Variants in PCDH7 observed in about 807,000 individuals in gnomAD.
The protein encoded by PCDH7 is protocadherin-7.
A neutral mutation model predicts 58.9 loss-of-function variants in PCDH7; 17 were observed. The ratio of observed to expected loss-of-function variants is 0.29; its 90% CI spans 0.20 to 0.43. The LOEUF is 0.43. Among genes scored for constraint, PCDH7 ranks in the 20% least tolerant of loss-of-function variants. The probability of loss-of-function intolerance (pLI) is 1.00; values close to 1 mark genes in which losing one functional copy is unlikely to be tolerated. For synonymous variants in PCDH7, 664 were observed against 616.4 expected (o/e 1.08, Z -1.14); for missense variants, 1,274 against 1,441.0 (o/e 0.88, Z 1.88).
intron 3 of PCDH7, among the ~76,000 whole-genome samples, chr4:31,091,307 C>G (rs1713215033): frequency 6.6e-6 from 1 of 151,830 alleles, no homozygotes; most frequent in Non-Finnish European, 1.5e-5. Context: ...TCATATACTT[C>G]TTACCTGTAA....
chr4:30,994,223 T>C (rs1751693737), intron 3 of PCDH7, among the ~76,000 whole-genome samples: 1 of 152,208 alleles, frequency 6.6e-6, no homozygotes, highest in African/African-American at 2.4e-5. Flanking sequence ...TTTGCCTTTA[T>C]GTAAATTATC....
chr4:31,086,099 G>GA lies in PCDH7; in HGVS notation c.*8-56369dup, dbSNP rs1391697203. ...TTTATTCCTGGTTTTGCTTTGTTTG[G>GA]AAAAATAGAATCTTTTCATTAAACC... On this transcript the variant is annotated intron_variant, in intron 3 of 3. Transcript: ENST00000509759. Among the ~76,000 whole-genome samples the GA allele has an allele frequency of 2.6e-5, 4 of 152,130 alleles. No individual in the cohort carries two copies. In the East Asian group the frequency reaches 7.7e-4, roughly 29 times the overall value.
At chr4:30,896,537 A>T (rs1233635570) in intron 1 of PCDH7, among the ~76,000 whole-genome samples, 4 of 152,156 alleles carry the variant, frequency 2.6e-5, no homozygotes, top group Non-Finnish European at 4.4e-5. Context: ...GAAATGATTT[A>T]TAACCTTTTT....
chr4:31,024,144 G>A (rs1173941510), intron 3 of PCDH7, among the ~76,000 whole-genome samples: 1 of 152,184 alleles, frequency 6.6e-6, no homozygotes, highest in African/African-American at 2.4e-5. Context: ...CTCCAGAAAA[G>A]TGGAGTGGAA....
intron 1 of PCDH7, chr4:30,730,711 AT>A (rs544599545): frequency 7.3e-4 from 1,064 of 1,459,110 alleles, no homozygotes; most frequent in Admixed American, 3.5e-3. Flanking sequence ...TTCTTTATCG[AT>A]TTTTTTTTAC....
At chr4:30,915,555 C>T (rs999906629) in intron 1 of PCDH7, among the ~76,000 whole-genome samples, 2 of 152,078 alleles carry the variant, frequency 1.3e-5, no homozygotes, top group African/African-American at 4.8e-5. Flanking sequence ...GATGGAGTCT[C>T]GCTCTGTCAC....
At chr4:30,759,212 G>A (rs1719721153) in intron 1 of PCDH7, among the ~76,000 whole-genome samples, 1 of 152,144 alleles carries the variant, frequency 6.6e-6, no homozygotes, top group Non-Finnish European at 1.5e-5. Flanking sequence ...AAAGTGCTGG[G>A]ATTACAGGTG....
intron 3 of PCDH7, among the ~76,000 whole-genome samples, chr4:30,968,434 TA>T (rs1749249926): frequency 8.1e-6 from 1 of 122,798 alleles, no homozygotes; most frequent in South Asian, 2.6e-4. Context: ...ATGTCAGAAT[TA>T]AAAAACAAAA....
At chr4:30,981,397 G>T (rs1232426092) in intron 3 of PCDH7, among the ~76,000 whole-genome samples, 1 of 152,120 alleles carries the variant, frequency 6.6e-6, no homozygotes, top group Admixed American at 6.5e-5. Flanking sequence ...TTTGGATGCC[G>T]AGATTTATGA....
chr4:30,779,640 C>T (rs1722535016), intron 1 of PCDH7, among the ~76,000 whole-genome samples: 1 of 152,162 alleles, frequency 6.6e-6, no homozygotes, highest in South Asian at 2.1e-4. Context: ...AAAGAGGAAA[C>T]TGTTTGTAAT....
chr4:31,006,411 G>T (rs547886481), intron 3 of PCDH7, among the ~76,000 whole-genome samples: 1 of 152,278 alleles, frequency 6.6e-6, no homozygotes, highest in South Asian at 2.1e-4. Flanking sequence ...ATAGTTAAAG[G>T]ATGCTATTTC....
intron 3 of PCDH7, among the ~76,000 whole-genome samples, chr4:30,985,024 T>C (rs540681164): frequency 1.3e-5 from 2 of 152,286 alleles, no homozygotes; most frequent in Admixed American, 1.3e-4. Context: ...TGGAGTGCAG[T>C]GACGTGACCT....
In PCDH7 at chr4:30,845,820, T is replaced by C. The variant is rs369413159; in HGVS notation, c.71-74333T>C. ...ATTGCCCAGGCTGGTCTTGAACTCCTGACCTCAAGTGATCCTCCTGCAGCT... is the reference window on the plus strand; with the variant it reads ...ATTGCCCAGGCTGGTCTTGAACTCCCGACCTCAAGTGATCCTCCTGCAGCT... On this transcript the variant is annotated intron_variant, in intron 1 of 3. Transcript: ENST00000509759. 1.2e-3 allele frequency among the ~76,000 whole-genome samples: 179 copies of C among 152,280 alleles called. 1 individual carries two copies. The highest frequency in any genetic ancestry group is 4.2e-3 in the African/African-American group (173 of 41,564).
intron 1 of PCDH7, among the ~76,000 whole-genome samples, chr4:30,793,219 GA>G (rs1332005100): frequency 1.3e-5 from 2 of 152,108 alleles, no homozygotes; most frequent in Non-Finnish European, 2.9e-5. Context: ...ACACCAAGGA[GA>G]AGGCAAACAC....
At chr4:31,003,795 C>T (rs1262062486) in intron 3 of PCDH7, among the ~76,000 whole-genome samples, 1 of 151,902 alleles carries the variant, frequency 6.6e-6, no homozygotes, top group Non-Finnish European at 1.5e-5. Flanking sequence ...GTAGTCCCAG[C>T]TACTCAGGAG....
At chr4:31,135,259 C>T (rs2109340967) in intron 3 of PCDH7, among the ~76,000 whole-genome samples, 1 of 152,244 alleles carries the variant, frequency 6.6e-6, no homozygotes, top group East Asian at 1.9e-4. Flanking sequence ...ACGCTGGCAA[C>T]CTAGTATCTT....
At chr4:30,781,537 A>G (rs536626200) in intron 1 of PCDH7, among the ~76,000 whole-genome samples, 1 of 131,926 alleles carries the variant, frequency 7.6e-6, no homozygotes, top group East Asian at 2.2e-4. Flanking sequence ...CTATCTCTCT[A>G]TTTTTTTTTT....
intron 2 of PCDH7, among the ~76,000 whole-genome samples, 192 bp downstream of exon 2, chr4:30,920,561 T>C (rs1743064109): frequency 6.6e-6 from 1 of 152,134 alleles, no homozygotes; most frequent in African/African-American, 2.4e-5. Context: ...TTCACCCAAA[T>C]TGCACCATCA....
intron 3 of PCDH7, among the ~76,000 whole-genome samples, chr4:30,986,813 T>C (rs1751010525): frequency 6.6e-6 from 1 of 151,970 alleles, no homozygotes; most frequent in Admixed American, 6.6e-5. Flanking sequence ...ACATCCCGTC[T>C]CTACTAAAAA....
Sources: allele counts gnomAD v4.1 joint callset (sites outside exome capture counted in the v4.1 genomes callset), GRCh38; gene constraint gnomAD v4.1.1; transcripts MANE v1.5; gene names NCBI Gene and HGNC (gene_info 2026-07-23, HGNC 2026-07-21).